Variants in GRB2 observed in about 807,000 individuals in gnomAD.
GRB2 encodes the protein growth factor receptor bound protein 2.
GRB2 carries 2 observed loss-of-function variants against 27.4 expected under a neutral mutation model. The observed-to-expected ratio is 0.07, with a 90% CI of 0.03 to 0.23. GRB2 has a LOEUF of 0.23. Among genes scored for constraint, GRB2 ranks in the 10% least tolerant of loss-of-function variants. The pLI is 1.00. For synonymous variants in GRB2, 94 were observed against 99.6 expected (o/e 0.94, Z 0.33); for missense variants, 102 against 282.4 (o/e 0.36, Z 4.58).
chr17:75,342,847 G>A (rs2078630109), intron 2 of GRB2, among the ~76,000 whole-genome samples: 1 of 151,950 alleles, frequency 6.6e-6, no homozygotes, highest in Non-Finnish European at 1.5e-5. Context: ...CTTGGAGTTT[G>A]AGTCCAGCCT....
rs184108187 is a variant in GRB2, at chr17:75,400,999, G to A, written c.-138+4490C>T. 4.3e-3 allele frequency among the ~76,000 whole-genome samples: 632 copies of A among 148,412 alleles called. 5 individuals carry two copies. Among genetic ancestry groups the A allele is most frequent in the African/African-American group, 0.015 (594 of 39,974 alleles). On this transcript the variant is annotated intron_variant, in intron 1 of 5. Coordinates refer to ENST00000316804, the MANE Select transcript of GRB2 (RefSeq NM_002086.5). ...TTTTTTTGAGACGGAGTCTTGCTCT[G>A]TCGCCCAGGCTAGAGTGCAGTGGTA... is the stretch of plus-strand genomic sequence containing the variant.
intron 3 of GRB2, 60 bp downstream of exon 3, chr17:75,332,640 A>AG (rs775527897): frequency 1.6e-4 from 147 of 920,306 alleles, no homozygotes; most frequent in Non-Finnish European, 2.3e-4. Context: ...AATTTTAAAA[A>AG]GAGTGTTTGA....
chr17:75,365,765 A>C (rs1156738868), intron 2 of GRB2, among the ~76,000 whole-genome samples: 1 of 152,246 alleles, frequency 6.6e-6, no homozygotes, highest in Non-Finnish European at 1.5e-5. Context: ...AGAAACAATT[A>C]ATAACCAGTG....
At chr17:75,330,220 A>G (rs1469898652) in intron 3 of GRB2, among the ~76,000 whole-genome samples, 1 of 151,902 alleles carries the variant, frequency 6.6e-6, no homozygotes, top group Admixed American at 6.6e-5. Flanking sequence ...CATCTCTACT[A>G]AAAATACAAA....
intron 1 of GRB2, among the ~76,000 whole-genome samples, chr17:75,402,679 G>A (rs2079071134): frequency 6.6e-6 from 1 of 152,084 alleles, no homozygotes; most frequent in Non-Finnish European, 1.5e-5. Flanking sequence ...GATTTTTATG[G>A]ATACTAAATT....
At chr17:75,335,583 T>C (rs1416680588) in intron 2 of GRB2, among the ~76,000 whole-genome samples, 2 of 152,184 alleles carry the variant, frequency 1.3e-5, no homozygotes, top group South Asian at 2.1e-4. Flanking sequence ...CTGCAGAGCT[T>C]TGCAATGCTG....
intron 2 of GRB2, among the ~76,000 whole-genome samples, chr17:75,356,770 A>G (rs2078736455): frequency 6.6e-6 from 1 of 152,166 alleles, no homozygotes; most frequent in African/African-American, 2.4e-5. Flanking sequence ...GGCAAAACAG[A>G]AGTGATCATT....
At chr17:75,385,053 AAAAAAG>A (rs1404121924) in intron 2 of GRB2, among the ~76,000 whole-genome samples, 6 of 77,874 alleles carry the variant, frequency 7.7e-5, no homozygotes, top group African/African-American at 1.2e-4. Flanking sequence ...AAAAAAAAAA[AAAAAAG>A]CAAACAAACA....
chr17:75,390,566 TAAGA>T (rs1282827413), intron 2 of GRB2, among the ~76,000 whole-genome samples: 1 of 152,242 alleles, frequency 6.6e-6, no homozygotes, highest in African/African-American at 2.4e-5. Flanking sequence ...CAAGCTTTTA[TAAGA>T]GAGAGAAACA....
At chr17:75,321,629 A>G in intron 5 of GRB2, 30 bp downstream of exon 5, 1 of 1,606,666 alleles carries the variant, frequency 6.2e-7, no homozygotes, top group Non-Finnish European at 8.5e-7. Context: ...TTAACTAAAA[A>G]TGATCCCATC....
intron 4 of GRB2, 58 bp from the exon 5 acceptor site, chr17:75,321,885 G>A: frequency 3.9e-6 from 6 of 1,548,432 alleles, no homozygotes; most frequent in Non-Finnish European, 5.3e-6. Flanking sequence ...GCAAATCGAG[G>A]GTATTTCCAT....
At chr17:75,365,488 AAC>A (rs1418088515) in intron 2 of GRB2, among the ~76,000 whole-genome samples, 1 of 152,208 alleles carries the variant, frequency 6.6e-6, no homozygotes, top group African/African-American at 2.4e-5. Context: ...ATAAAAGTGA[AAC>A]ACAGAAGACT....
intron 1 of GRB2, among the ~76,000 whole-genome samples, chr17:75,401,306 G>A (rs565472404): frequency 0.011 from 1,633 of 151,462 alleles, 23 homozygotes; most frequent in South Asian, 0.025. Flanking sequence ...TTAGCCGGGC[G>A]CGGTGGCGGG....
At chr17:75,400,758 C>T (rs975532966) in intron 1 of GRB2, among the ~76,000 whole-genome samples, 7 of 152,044 alleles carry the variant, frequency 4.6e-5, no homozygotes, top group East Asian at 1.9e-4. Context: ...CCGCCCACCT[C>T]GGCCTCCCAA....
At chr17:75,321,581 TCC>T in intron 5 of GRB2, 76 bp downstream of exon 5, 1 of 1,367,502 alleles carries the variant, frequency 7.3e-7, no homozygotes, top group East Asian at 2.3e-5. Context: ...GAGGGGCGCC[TCC>T]CCTTTCCTAC....
At chr17:75,375,924 C>T in intron 2 of GRB2, among the ~76,000 whole-genome samples, 1 of 150,152 alleles carries the variant, frequency 6.7e-6, no homozygotes, top group East Asian at 2.0e-4. Context: ...ACTCGGGAGG[C>T]TGAGGCAGGA....
intron 2 of GRB2, among the ~76,000 whole-genome samples, chr17:75,350,403 G>A: frequency 6.6e-6 from 1 of 152,226 alleles, no homozygotes; most frequent in East Asian, 1.9e-4. Flanking sequence ...AGTTCTATGA[G>A]TCCAGAGTGC....
chr17:75,399,975 C>T (rs372600354), intron 1 of GRB2, among the ~76,000 whole-genome samples: 6 of 151,688 alleles, frequency 4.0e-5, no homozygotes, highest in Admixed American at 6.6e-5. Context: ...CGGCCCTGAC[C>T]GACAATTTTG....
intron 2 of GRB2, among the ~76,000 whole-genome samples, chr17:75,380,830 T>G (rs571451096): frequency 1.3e-5 from 2 of 152,338 alleles, no homozygotes; most frequent in African/African-American, 4.8e-5. Context: ...GGGAAGGATG[T>G]TTAATCATCT....
Sources: allele counts gnomAD v4.1 joint callset (sites outside exome capture counted in the v4.1 genomes callset), GRCh38; gene constraint gnomAD v4.1.1; transcripts MANE v1.5; gene names NCBI Gene and HGNC (gene_info 2026-07-23, HGNC 2026-07-21).